Variants in TGS1 observed in about 807,000 individuals in gnomAD.
TGS1 encodes the protein trimethylguanosine synthase 1.
TGS1 carries 69 observed loss-of-function variants against 92.2 expected under a neutral mutation model. The ratio of observed to expected loss-of-function variants is 0.75; its 90% confidence interval spans 0.62 to 0.91. The LOEUF is 0.91. Among genes scored for constraint, TGS1 ranks in the 40% least tolerant of loss-of-function variants. TGS1 has a pLI of 0.00. For missense variants in TGS1, 1,062 were observed against 1,001.2 expected (o/e 1.06, Z -0.82); for synonymous variants, 345 against 338.1 (o/e 1.02, Z -0.22).
chr8:55,773,573 G>A lies in TGS1; in HGVS notation c.-46G>A, dbSNP rs750563224. On this transcript the variant is annotated 5_prime_UTR_variant, in exon 1 of 13. Transcript: ENST00000260129. ...CAGTAACCGAGCGGAGGCCCGGCAG[G>A]CGCGACCCGGGCTGCGTACGTCAGA... is the stretch of plus-strand genomic sequence containing the variant. 22 of 1,512,902 alleles carry A rather than the reference G, an allele frequency of 1.5e-5. No individual in the cohort carries two copies. The highest frequency in any genetic ancestry group is 1.9e-5 in the Non-Finnish European group (21 of 1,104,782). 93.7% of individuals were successfully genotyped at this position (1,512,902 alleles called of 1,614,324 possible). A position where few individuals can be genotyped will look rare whatever the true frequency, so the allele number is the denominator to read the frequency against.
rs771753285 is a variant in TGS1, at chr8:55,781,157, ATG to A, written c.102-1587_102-1586del. ...ATGTGTGTTTTACACGCATACATGAATGTGTCTGTGTATATATACACACATAT... is the reference window on the plus strand; with the variant it reads ...ATGTGTGTTTTACACGCATACATGAATGTCTGTGTATATATACACACATAT... On this transcript the variant is annotated intron_variant, in intron 1 of 12. Coordinates refer to ENST00000260129, the MANE Select transcript of TGS1 (RefSeq NM_024831.8). Among the ~76,000 whole-genome samples the A allele has an allele frequency of 3.3e-5, 5 of 152,308 alleles. No individual in the cohort carries two copies. The East Asian group carries it at 7.7e-4, about 24-fold the overall frequency.
intron 8 of TGS1, among the ~76,000 whole-genome samples, chr8:55,801,582 C>CTTTTTTTTTTTT (rs1212417955): frequency 2.1e-5 from 1 of 48,200 alleles, no homozygotes; most frequent in Non-Finnish European, 3.4e-5. Context: ...CCCCATCGTT[C>CTTTTTTTTTTTT]TTTTTTTTTT....
At chr8:55,776,124 C>G (rs533795107) in intron 1 of TGS1, among the ~76,000 whole-genome samples, 1 of 152,004 alleles carries the variant, frequency 6.6e-6, no homozygotes, top group Non-Finnish European at 1.5e-5. Flanking sequence ...GCAACCCGAG[C>G]GAGCAATTCC....
At chr8:55,805,080 ATT>A in intron 10 of TGS1, 44 bp downstream of exon 10, 1 of 1,573,954 alleles carries the variant, frequency 6.4e-7, no homozygotes, top group Non-Finnish European at 8.7e-7. Context: ...TGTCCAGTTA[ATT>A]CAGTAAATGT....
At position 55,810,955 on chromosome 8, in the gene TGS1, A is replaced by C; in HGVS notation, c.2218A>C (p.Lys740Gln). ...NNAEVYGIADKIEFICGDFLL... is the reference protein window; with the variant it reads ...NNAEVYGIADQIEFICGDFLL... The stretch of plus-strand genomic sequence containing the variant: ...TGCAGAAGTTTATGGGATAGCAGAT[A>C]AGATAGAGTTCATCTGTGGAGATTT... Residue 740 changes from lysine (K) to glutamine (Q), a missense_variant, in exon 11 of 13, where the codon AAG (lysine) becomes CAG (glutamine). Lys to Gln is a moderately conservative substitution (Grantham distance 53). Coordinates refer to ENST00000260129, the MANE Select transcript of TGS1 (RefSeq NM_024831.8). 6.2e-7 allele frequency: 1 copy of C among 1,614,182 alleles called. No homozygotes were observed. Among genetic ancestry groups the C allele is most frequent in the Non-Finnish European group, 8.5e-7 (1 of 1,180,032 alleles).
chr8:55,780,638 G>A (rs1811535363), intron 1 of TGS1, among the ~76,000 whole-genome samples: 1 of 152,110 alleles, frequency 6.6e-6, no homozygotes, highest in African/African-American at 2.4e-5. Context: ...ACAAGCCTTG[G>A]CCTTCATTGA....
At chr8:55,804,783 G>T in intron 9 of TGS1, 110 bp from the exon 10 acceptor site, 4 of 937,742 alleles carry the variant, frequency 4.3e-6, no homozygotes, top group Admixed American at 2.8e-5. Context: ...TTTTAAAAAG[G>T]GAAACTAAGC....
intron 4 of TGS1, 40 bp from the exon 5 acceptor site, chr8:55,790,142 C>A (rs755789802): frequency 6.6e-7 from 1 of 1,511,638 alleles, no homozygotes; most frequent in Non-Finnish European, 9.2e-7. Flanking sequence ...AGTTGTCAAA[C>A]CAAGGGGGAA....
chr8:55,824,867 T>A lies in TGS1; in HGVS notation c.*164T>A, dbSNP rs549323441. On this transcript the variant is annotated 3_prime_UTR_variant, in exon 13 of 13. Transcript: ENST00000260129. ...TAAATATCAGTGAAATATTTTGAGATCTTTGAATAATTCCTTTAGAGGAAT... is the reference window on the plus strand; with the variant it reads ...TAAATATCAGTGAAATATTTTGAGAACTTTGAATAATTCCTTTAGAGGAAT... 1.8e-3 allele frequency: 1,248 copies of A among 707,696 alleles called. 1 individual carries two copies. The highest frequency in any genetic ancestry group is 2.1e-3 in the Non-Finnish European group (929 of 438,844). The allele number at this position is 707,696 out of a possible 1,614,324, so 43.8% of individuals were successfully genotyped here.
chr8:55,813,143 A>AGG (rs1803382620), intron 12 of TGS1, 25 bp downstream of exon 12: 2 of 1,504,692 alleles, frequency 1.3e-6, no homozygotes, highest in East Asian at 2.3e-5. Flanking sequence ...AAAAACTTCC[A>AGG]TGAGTGTCTG....
chr8:55,794,517 A>G (rs1811987108), intron 6 of TGS1, among the ~76,000 whole-genome samples: 1 of 152,236 alleles, frequency 6.6e-6, no homozygotes, highest in Admixed American at 6.5e-5. Flanking sequence ...TAATCCCAGC[A>G]CTTTGGGAAG....
chr8:55,787,112 C>T, intron 4 of TGS1, 52 bp downstream of exon 4: 1 of 1,315,862 alleles, frequency 7.6e-7, no homozygotes. Flanking sequence ...AAAATGAATT[C>T]ATTTAGCAAA....
rs1811846650 is a variant in TGS1, at chr8:55,790,395, C to A, written c.1280+96C>A. The A allele has an allele frequency of 3.8e-6, 3 of 780,024 alleles. No homozygotes were observed. The South Asian group carries it at 4.9e-5, about 13-fold the overall frequency. The allele number at this position is 780,024 out of a possible 1,614,324, so 48.3% of individuals were successfully genotyped here. On this transcript the variant is annotated intron_variant, in intron 5 of 12. Coordinates refer to ENST00000260129, the MANE Select transcript of TGS1 (RefSeq NM_024831.8). ...TTAAATGATTGTTATGTTCACAACA[C>A]CAGTAATCATGTAAGAAGAGGCAGG... is the stretch of plus-strand genomic sequence containing the variant.
At chr8:55,783,657 C>T (rs1811630840) in intron 2 of TGS1, among the ~76,000 whole-genome samples, 1 of 152,146 alleles carries the variant, frequency 6.6e-6, no homozygotes, top group African/African-American at 2.4e-5. Context: ...TTTGTCCTTC[C>T]ACATAGACCT....
At chr8:55,818,340 A>G (rs1038342862) in intron 12 of TGS1, among the ~76,000 whole-genome samples, 2 of 152,022 alleles carry the variant, frequency 1.3e-5, no homozygotes, top group African/African-American at 4.8e-5. Flanking sequence ...CCCAGCTAAT[A>G]TTTATATTTT....
chr8:55,773,999 A>C (rs1811301933), intron 1 of TGS1, among the ~76,000 whole-genome samples: 1 of 152,226 alleles, frequency 6.6e-6, no homozygotes, highest in Non-Finnish European at 1.5e-5. Context: ...GACATTTAAA[A>C]ATTGGGGGAA....
At chr8:55,821,640 G>A (rs746916856) in intron 12 of TGS1, among the ~76,000 whole-genome samples, 42 of 152,130 alleles carry the variant, frequency 2.8e-4, no homozygotes, top group Non-Finnish European at 4.7e-4. Context: ...TTGGGAGGCC[G>A]AGGTGGGTGG....
chr8:55,782,580 G>T (rs1176458706), intron 1 of TGS1, among the ~76,000 whole-genome samples, 168 bp from the exon 2 acceptor site: 1 of 152,186 alleles, frequency 6.6e-6, no homozygotes, highest in Non-Finnish European at 1.5e-5. Flanking sequence ...ACAACTCCAT[G>T]ACAAATGTAT....
rs146202947 is a variant in TGS1, at chr8:55,825,775, GCAA to G, written c.*1074_*1076del. Among the ~76,000 whole-genome samples the G allele has an allele frequency of 0.012, 1,889 of 152,226 alleles. 53 individuals carry two copies. Among genetic ancestry groups the G allele is most frequent in the African/African-American group, 0.043 (1,794 of 41,540 alleles). On this transcript the variant is annotated 3_prime_UTR_variant, in exon 13 of 13. Transcript: ENST00000260129. ...TATCTGATTGCTCTGCAGTACAGTAGCAACTGAGCTGATCAATAAAGGTGAAAT... is the reference window on the plus strand; with the variant it reads ...TATCTGATTGCTCTGCAGTACAGTAGCTGAGCTGATCAATAAAGGTGAAAT...
Sources: gnomAD v4.1 joint callset for allele counts (sites outside exome capture counted in the v4.1 genomes callset) on GRCh38, gnomAD v4.1.1 for gene constraint, MANE v1.5 for transcripts, NCBI Gene and HGNC (gene_info 2026-07-23, HGNC 2026-07-21) for gene names.